AGBL4: variants seen among roughly 807,000 people sequenced by gnomAD.
AGBL4 encodes the protein cytosolic carboxypeptidase 6.
A neutral mutation model predicts 66.4 loss-of-function variants in AGBL4; 58 were observed. That is an observed-to-expected ratio of 0.87 (90% confidence interval 0.71 to 1.09). The LOEUF (loss-of-function observed/expected upper bound fraction) is 1.09, where lower values mean the gene tolerates loss of function less well. AGBL4 is among the 50% of genes least tolerant of loss of function. The pLI, the probability that AGBL4 is intolerant of heterozygous loss-of-function variation, is 0.00. For synonymous variants in AGBL4, 234 were observed against 222.9 expected, an observed-to-expected ratio of 1.05 and a Z score of -0.44; for missense variants, 579 against 631.0, an observed-to-expected ratio of 0.92 and a Z score of 0.88.
intron 5 of AGBL4, among the ~76,000 whole-genome samples, chr1:49,038,342 G>T (rs747213567): frequency 1.3e-4 from 20 of 152,060 alleles, no homozygotes; most frequent in African/African-American, 4.6e-4. Context: ...CTCACACACA[G>T]ATCCACCAGC....
intron 3 of AGBL4, among the ~76,000 whole-genome samples, chr1:49,306,598 A>G (rs562419717): frequency 1.3e-5 from 2 of 152,306 alleles, no homozygotes; most frequent in South Asian, 2.1e-4. Context: ...TTTAATACCT[A>G]GGGACTGAAA....
chr1:49,286,965 C>G (rs1340492129), intron 3 of AGBL4, among the ~76,000 whole-genome samples: 1 of 152,106 alleles, frequency 6.6e-6, no homozygotes, highest in Non-Finnish European at 1.5e-5. Context: ...TCAAACTATA[C>G]TACAAGGCTA....
chr1:49,098,636 G>T (rs1441982905), intron 4 of AGBL4, among the ~76,000 whole-genome samples: 2 of 152,188 alleles, frequency 1.3e-5, no homozygotes, highest in Non-Finnish European at 2.9e-5. Flanking sequence ...GAGCTCTCCA[G>T]GGCTAGGAGT....
chr1:48,563,862 G>C (rs1379011902), intron 11 of AGBL4, among the ~76,000 whole-genome samples: 1 of 152,144 alleles, frequency 6.6e-6, no homozygotes, highest in Non-Finnish European at 1.5e-5. Context: ...AAGAGGAAGA[G>C]ACCAGGAGAC....
At position 49,423,572 on chromosome 1, in the gene AGBL4, G is replaced by A. The variant is rs867016686; in HGVS notation, c.283-177708C>T. Among the ~76,000 whole-genome samples, 10 of 152,240 alleles carry A rather than the reference G, an allele frequency of 6.6e-5. No homozygotes were observed. The Middle Eastern group carries it at 0.01, about 155-fold the overall frequency. On this transcript the variant is annotated intron_variant, in intron 3 of 13. Coordinates refer to ENST00000371839, the MANE Select transcript of AGBL4 (RefSeq NM_032785.4). The stretch of plus-strand genomic sequence containing the variant: ...CACCTGTAATCCCAGCACTTTGGGA[G>A]GCCAAGGTGGGCAGATCACCTGAAG...
chr1:48,844,939 G>T (rs562178618), intron 6 of AGBL4, among the ~76,000 whole-genome samples: 2 of 152,288 alleles, frequency 1.3e-5, no homozygotes, highest in Non-Finnish European at 2.9e-5. Context: ...AGAGGAAGAT[G>T]GACTACAATG....
intron 6 of AGBL4, among the ~76,000 whole-genome samples, chr1:48,677,023 C>T (rs757243137): frequency 5.3e-5 from 8 of 152,118 alleles, no homozygotes; most frequent in Non-Finnish European, 7.4e-5. Flanking sequence ...TAAGAAGGGG[C>T]GGAGCTAGGT....
chr1:48,649,598 A>T (rs1381570386), intron 8 of AGBL4, among the ~76,000 whole-genome samples: 3 of 152,210 alleles, frequency 2.0e-5, no homozygotes, highest in Admixed American at 1.3e-4. Flanking sequence ...AAAGAGCTTG[A>T]TCTATCATGG....
chr1:49,912,937 A>G (rs1651001034), intron 1 of AGBL4, among the ~76,000 whole-genome samples: 1 of 152,216 alleles, frequency 6.6e-6, no homozygotes, highest in Admixed American at 6.5e-5. Context: ...TGAGGACAGA[A>G]CTTTCATGAC....
intron 3 of AGBL4, among the ~76,000 whole-genome samples, chr1:49,372,612 TTTCTTTC>T (rs1644374384): frequency 1.2e-4 from 1 of 8,228 alleles, no homozygotes; most frequent in African/African-American, 5.6e-4. Context: ...TTTCTTTTTC[TTTCTTTC>T]TTTCTTTCTT....
intron 3 of AGBL4, among the ~76,000 whole-genome samples, chr1:49,597,612 C>T (rs1346085642): frequency 6.6e-6 from 1 of 152,166 alleles, no homozygotes; most frequent in African/African-American, 2.4e-5. Context: ...TAAAATGAGG[C>T]CAGCCCCCTC....
intron 3 of AGBL4, among the ~76,000 whole-genome samples, chr1:49,555,906 T>C (rs905381854): frequency 1.3e-5 from 2 of 152,052 alleles, no homozygotes; most frequent in Non-Finnish European, 2.9e-5. Context: ...TGTGGAGAAA[T>C]AGGAACACTT....
chr1:49,387,802 C>T (rs1191909011), intron 3 of AGBL4, among the ~76,000 whole-genome samples: 1 of 151,894 alleles, frequency 6.6e-6, no homozygotes, highest in Admixed American at 6.6e-5. Context: ...CTCTTCAGAT[C>T]GTTAATGCTT....
At chr1:49,743,175 G>C (rs1189054024) in intron 2 of AGBL4, among the ~76,000 whole-genome samples, 2 of 152,026 alleles carry the variant, frequency 1.3e-5, no homozygotes, top group Non-Finnish European at 2.9e-5. Context: ...CTAACATCCG[G>C]AATCTACAAT....
chr1:48,531,975 G>A (rs1643909187), downstream of AGBL4, among the ~76,000 whole-genome samples: 2 of 152,058 alleles, frequency 1.3e-5, no homozygotes, highest in South Asian at 4.2e-4. Flanking sequence ...GTAGAGACGG[G>A]CTTTCTCCAT....
intron 1 of AGBL4, among the ~76,000 whole-genome samples, chr1:49,928,148 A>G (rs977535600): frequency 6.6e-6 from 1 of 152,244 alleles, no homozygotes; most frequent in Non-Finnish European, 1.5e-5. Context: ...ACACAGAAAC[A>G]GAAATTATCT....
chr1:48,582,218 G>T (rs1644750646), intron 11 of AGBL4, among the ~76,000 whole-genome samples: 1 of 151,482 alleles, frequency 6.6e-6, no homozygotes, highest in Non-Finnish European at 1.5e-5. Flanking sequence ...AAACTCTTAT[G>T]TTCATGGAAT....
At chr1:48,991,151 G>T (rs1380984967) in intron 5 of AGBL4, among the ~76,000 whole-genome samples, 1 of 152,154 alleles carries the variant, frequency 6.6e-6, no homozygotes, top group Non-Finnish European at 1.5e-5. Context: ...TTGTGGGACA[G>T]GTCTGGTGTT....
intron 3 of AGBL4, among the ~76,000 whole-genome samples, chr1:49,603,201 G>A (rs1644995110): frequency 6.6e-6 from 1 of 152,108 alleles, no homozygotes; most frequent in African/African-American, 2.4e-5. Flanking sequence ...GGAGAGGAGG[G>A]TCAGAACTAA....
Sources: allele counts gnomAD v4.1 joint callset (sites outside exome capture counted in the v4.1 genomes callset), GRCh38; gene constraint gnomAD v4.1.1; transcripts MANE v1.5; gene names NCBI Gene and HGNC (gene_info 2026-07-23, HGNC 2026-07-21).